GRM5: variants seen among roughly 807,000 people sequenced by gnomAD.
GRM5 encodes the protein glutamate metabotropic receptor 5.
Under a neutral mutation model 83.1 loss-of-function variants are expected in GRM5, and 19 were observed. The observed-to-expected ratio is 0.23, with a 90% confidence interval of 0.16 to 0.34. The LOEUF (loss-of-function observed/expected upper bound fraction) is 0.34. Among genes scored for constraint, GRM5 ranks in the 10% least tolerant of loss-of-function variants. The probability of loss-of-function intolerance (pLI) is 1.00; values close to 1 mark genes in which losing one functional copy is unlikely to be tolerated. For missense variants in GRM5, 1,160 were observed against 1,588.3 expected, an observed-to-expected ratio of 0.73 and a Z score of 4.58; for synonymous variants, 675 against 633.6, an observed-to-expected ratio of 1.07 and a Z score of -0.98.
chr11:89,004,311 T>C (rs1441491144), intron 2 of GRM5, among the ~76,000 whole-genome samples: 2 of 152,170 alleles, frequency 1.3e-5, no homozygotes, highest in African/African-American at 4.8e-5. Context: ...TATGATTTTA[T>C]TGGGGGTAGA....
At chr11:88,761,883 A>G (rs1470882576) in intron 3 of GRM5, among the ~76,000 whole-genome samples, 7 of 152,078 alleles carry the variant, frequency 4.6e-5, no homozygotes, top group Non-Finnish European at 1.0e-4. Flanking sequence ...TAGAGGACCC[A>G]GAAATAATGC....
At chr11:88,944,625 T>A (rs947293902) in intron 2 of GRM5, among the ~76,000 whole-genome samples, 1 of 151,748 alleles carries the variant, frequency 6.6e-6, no homozygotes, top group African/African-American at 2.4e-5. Flanking sequence ...CCTGTTTTTT[T>A]AAAGAAAGAC....
intron 3 of GRM5, among the ~76,000 whole-genome samples, chr11:88,672,664 A>G (rs1246511193): frequency 6.6e-6 from 1 of 152,012 alleles, no homozygotes; most frequent in Non-Finnish European, 1.5e-5. Flanking sequence ...ATGTGATAGG[A>G]GCAAACACTA....
intron 8 of GRM5, among the ~76,000 whole-genome samples, chr11:88,543,477 C>T (rs1427533557): frequency 1.3e-5 from 2 of 151,706 alleles, no homozygotes; most frequent in Non-Finnish European, 2.9e-5. Flanking sequence ...GTGCCCACAA[C>T]AGTGAGTGGG....
intron 3 of GRM5, among the ~76,000 whole-genome samples, chr11:88,775,173 G>A (rs532104342): frequency 1.1e-4 from 17 of 152,212 alleles, no homozygotes; most frequent in South Asian, 4.1e-4. Context: ...TCTTGGGAGC[G>A]TGTATGCGTC....
At chr11:89,058,875 G>T (rs1260789277) in intron 1 of GRM5, among the ~76,000 whole-genome samples, 1 of 151,930 alleles carries the variant, frequency 6.6e-6, no homozygotes, top group African/African-American at 2.4e-5. Context: ...CAACAATAAC[G>T]ATAACTTTAT....
rs1405730725 is a variant in GRM5 at position 89,009,917 on chromosome 11, A to AAAAC, written c.661+37294_661+37295insGTTT. Among the ~76,000 whole-genome samples the AAAAC allele has an allele frequency of 8.5e-4, 122 of 144,132 alleles. 5 individuals carry two copies. Among genetic ancestry groups the AAAAC allele is most frequent in the African/African-American group, 3.0e-3 (116 of 38,902 alleles). The allele number at this position is 144,132 out of a possible 152,430, so 94.6% of individuals were successfully genotyped here. On this transcript the variant is annotated intron_variant, in intron 2 of 9. Coordinates refer to ENST00000305447, the MANE Select transcript of GRM5 (RefSeq NM_001143831.3). ...CTCCGTCTCAAAAAAAAAAAAAAAA[A>AAAAC]AAAAAAAAAAAAACACACACAAAAT... is the stretch of plus-strand genomic sequence containing the variant.
At chr11:88,539,336 A>G (rs1942211340) in intron 8 of GRM5, among the ~76,000 whole-genome samples, 1 of 152,284 alleles carries the variant, frequency 6.6e-6, no homozygotes, top group Non-Finnish European at 1.5e-5. Context: ...CTACTTGTTT[A>G]CCAGAGTTTG....
chr11:88,576,819 A>G (rs777940794), intron 7 of GRM5, among the ~76,000 whole-genome samples: 1 of 152,178 alleles, frequency 6.6e-6, no homozygotes, highest in Non-Finnish European at 1.5e-5. Context: ...CCGATAGGGT[A>G]TCAGTGGAAT....
At chr11:88,707,591 G>A (rs1182973379) in intron 3 of GRM5, among the ~76,000 whole-genome samples, 1 of 152,070 alleles carries the variant, frequency 6.6e-6, no homozygotes, top group Non-Finnish European at 1.5e-5. Context: ...GATGTGTGTA[G>A]GTTATATGCA....
intron 2 of GRM5, among the ~76,000 whole-genome samples, chr11:88,975,037 C>G (rs908726315): frequency 7.9e-5 from 12 of 152,114 alleles, no homozygotes; most frequent in Admixed American, 1.3e-4. Flanking sequence ...TCTGATGTGT[C>G]AATGGGACAT....
At chr11:88,562,342 A>C (rs922747591) in intron 8 of GRM5, among the ~76,000 whole-genome samples, 1 of 152,168 alleles carries the variant, frequency 6.6e-6, no homozygotes, top group Non-Finnish European at 1.5e-5. Flanking sequence ...TCTAGTAATC[A>C]TCAGCTAAGA....
intron 2 of GRM5, among the ~76,000 whole-genome samples, chr11:89,044,890 T>C (rs995622915): frequency 2.0e-5 from 3 of 151,040 alleles, no homozygotes; most frequent in Non-Finnish European, 4.4e-5. Context: ...GTTCCCACAG[T>C]ACCCAACAAA....
intron 3 of GRM5, among the ~76,000 whole-genome samples, chr11:88,777,293 A>G (rs777763249): frequency 3.9e-5 from 6 of 152,160 alleles, no homozygotes; most frequent in Non-Finnish European, 8.8e-5. Context: ...CCATCAGGTC[A>G]TTTAAGGTCT....
intron 4 of GRM5, among the ~76,000 whole-genome samples, chr11:88,648,316 T>C (rs1407661569): frequency 3.4e-5 from 5 of 149,038 alleles, no homozygotes; most frequent in African/African-American, 4.9e-5. Flanking sequence ...TGGAATACTC[T>C]GCAGCCATAA....
chr11:88,772,931 G>C (rs1942770893), intron 3 of GRM5, among the ~76,000 whole-genome samples: 1 of 152,154 alleles, frequency 6.6e-6, no homozygotes, highest in Non-Finnish European at 1.5e-5. Flanking sequence ...TGTCTTTATA[G>C]CAGCATGATT....
At chr11:88,647,137 T>A (rs1293895309) in intron 4 of GRM5, among the ~76,000 whole-genome samples, 1 of 152,192 alleles carries the variant, frequency 6.6e-6, no homozygotes, top group East Asian at 1.9e-4. Flanking sequence ...TCCCTTTCTG[T>A]CTGTATGTCT....
In GRM5 at chr11:88,798,921, C is replaced by T. The variant is rs16914901; in HGVS notation, c.911+50985G>A. ...AAAGGAGTAAAGCATGAAACCTTGG[C>T]ACCTGTTCTAAGCTAGATCTAGATG... On this transcript the variant is annotated intron_variant, in intron 3 of 9. Transcript: ENST00000305447. Among the ~76,000 whole-genome samples the T allele has an allele frequency of 7.7e-4, 116 of 151,026 alleles. 1 individual carries two copies. In the East Asian group the frequency reaches 0.018, roughly 24 times the overall value.
At chr11:88,613,865 C>T (rs901990113) in intron 4 of GRM5, among the ~76,000 whole-genome samples, 2 of 152,068 alleles carry the variant, frequency 1.3e-5, no homozygotes, top group African/African-American at 4.8e-5. Flanking sequence ...CTCTATATAC[C>T]TTATTATAGA....
Sources: gnomAD v4.1 joint callset for allele counts (sites outside exome capture counted in the v4.1 genomes callset) on GRCh38, gnomAD v4.1.1 for gene constraint, MANE v1.5 for transcripts, NCBI Gene and HGNC (gene_info 2026-07-23, HGNC 2026-07-21) for gene names.